The following SASH1 variants were observed in gnomAD, a reference collection of about 807,000 sequenced individuals.
SASH1 encodes the protein SAM and SH3 domain containing 1.
A neutral mutation model predicts 125.2 loss-of-function variants in SASH1; 44 were observed. The observed-to-expected ratio is 0.35, with a 90% CI of 0.28 to 0.45. The LOEUF (loss-of-function observed/expected upper bound fraction) is 0.45. Ranked by LOEUF, SASH1 falls within the 20% of genes least tolerant of loss-of-function variation. The pLI is 1.00. For missense variants in SASH1, 1,426 were observed against 1,614.5 expected, an observed-to-expected ratio of 0.88 and a Z score of 2.00; for synonymous variants, 639 against 649.1, an observed-to-expected ratio of 0.98 and a Z score of 0.24.
chr6:148,216,166 A>G, the SASH1 span, among the ~76,000 whole-genome samples: 1 of 152,190 alleles, frequency 6.6e-6, no homozygotes, highest in African/African-American at 2.4e-5. Flanking sequence ...TCCCTGGCAG[A>G]ACTATACCAG....
At chr6:148,366,630 T>C (rs1782469554) in intron 1 of SASH1, among the ~76,000 whole-genome samples, 1 of 152,106 alleles carries the variant, frequency 6.6e-6, no homozygotes, top group South Asian at 2.1e-4. Context: ...GGAGTATTGT[T>C]CTTGTTGCCC....
intron 1 of SASH1, among the ~76,000 whole-genome samples, chr6:148,331,488 C>G (rs1261156450): frequency 6.6e-6 from 1 of 152,072 alleles, no homozygotes; most frequent in African/African-American, 2.4e-5. Flanking sequence ...TGCTACCATG[C>G]CCCGCTAAGT....
chr6:148,502,958 A>G (rs1583265102), intron 8 of SASH1, among the ~76,000 whole-genome samples: 2 of 152,162 alleles, frequency 1.3e-5, no homozygotes. Flanking sequence ...TGACCTTAAC[A>G]TTAATCATAT....
chr6:148,211,009 C>T, the SASH1 span, among the ~76,000 whole-genome samples: 3 of 152,076 alleles, frequency 2.0e-5, no homozygotes, highest in Non-Finnish European at 4.4e-5. Context: ...TATCCATATC[C>T]AAGGGAAATA....
intron 2 of SASH1, among the ~76,000 whole-genome samples, chr6:148,417,086 A>G (rs1305039282): frequency 6.6e-6 from 1 of 152,198 alleles, no homozygotes; most frequent in Non-Finnish European, 1.5e-5. Context: ...CTGAACATGG[A>G]TGGGGTGGAA....
chr6:148,408,140 CTTTTTTTTTT>C (rs35856337), intron 2 of SASH1, among the ~76,000 whole-genome samples: 7 of 119,240 alleles, frequency 5.9e-5, no homozygotes, highest in Non-Finnish European at 1.0e-4. Context: ...GGCATCTTTC[CTTTTTTTTTT>C]TTTTTTTTTT....
the SASH1 span, among the ~76,000 whole-genome samples, chr6:148,249,846 G>A: frequency 2.0e-5 from 3 of 152,232 alleles, no homozygotes; most frequent in Non-Finnish European, 2.9e-5. Flanking sequence ...TGTGCACCGC[G>A]GATTCTCAAT....
chr6:148,505,883 A>G (rs1779772831), intron 8 of SASH1, among the ~76,000 whole-genome samples: 1 of 148,824 alleles, frequency 6.7e-6, no homozygotes, highest in Non-Finnish European at 1.5e-5. Flanking sequence ...TGATCCGCCC[A>G]CCTTGGCTTC....
intron 1 of SASH1, among the ~76,000 whole-genome samples, chr6:148,319,863 C>A (rs184571876): frequency 7.9e-5 from 12 of 152,262 alleles, no homozygotes; most frequent in Non-Finnish European, 1.5e-4. Flanking sequence ...ATAATGAAAT[C>A]TTGTGCTGTC....
chr6:148,247,322 C>T, the SASH1 span, among the ~76,000 whole-genome samples: 1 of 152,178 alleles, frequency 6.6e-6, no homozygotes, highest in Admixed American at 6.5e-5. Flanking sequence ...AAGAAGGCTT[C>T]TTGGTAAGCA....
the SASH1 span, among the ~76,000 whole-genome samples, chr6:148,253,412 A>T: frequency 6.6e-6 from 1 of 152,140 alleles, no homozygotes; most frequent in African/African-American, 2.4e-5. Context: ...CAAAAACTTA[A>T]CTCAAAATTA....
intron 1 of SASH1, among the ~76,000 whole-genome samples, chr6:148,282,570 C>T (rs977932419): frequency 1.3e-5 from 2 of 151,814 alleles, no homozygotes; most frequent in African/African-American, 4.8e-5. Flanking sequence ...TCAATAGAGA[C>T]GGGGTTTCAC....
At chr6:148,385,038 A>G (rs1783304367) in intron 1 of SASH1, among the ~76,000 whole-genome samples, 1 of 152,222 alleles carries the variant, frequency 6.6e-6, no homozygotes, top group South Asian at 2.1e-4. Context: ...AAACACACAT[A>G]TACATTCTTC....
At chr6:148,424,002 T>A (rs1312171661) in intron 2 of SASH1, among the ~76,000 whole-genome samples, 2 of 151,406 alleles carry the variant, frequency 1.3e-5, no homozygotes, top group African/African-American at 4.8e-5. Flanking sequence ...GTCTGACCAG[T>A]TTCTGAAGAA....
At chr6:148,238,648 A>G in the SASH1 span, among the ~76,000 whole-genome samples, 7 of 151,824 alleles carry the variant, frequency 4.6e-5, no homozygotes, top group South Asian at 4.2e-4. Context: ...ACACACACAC[A>G]CACACACACA....
chr6:148,297,185 G>A (rs1259111950), intron 1 of SASH1, among the ~76,000 whole-genome samples: 4 of 152,316 alleles, frequency 2.6e-5, no homozygotes, highest in African/African-American at 4.8e-5. Context: ...ACGCTGTCGC[G>A]GGGAGCAGCC....
At chr6:148,510,926 G>A (rs1780078001) in intron 8 of SASH1, among the ~76,000 whole-genome samples, 4 of 150,264 alleles carry the variant, frequency 2.7e-5, no homozygotes, top group Admixed American at 6.6e-5. Flanking sequence ...AACTCAGGAC[G>A]CAGAGGTTGC....
intron 1 of SASH1, among the ~76,000 whole-genome samples, chr6:148,322,618 T>C (rs190625648): frequency 5.3e-4 from 80 of 152,288 alleles, no homozygotes; most frequent in African/African-American, 1.9e-3. Context: ...CAGCTGACGT[T>C]TCTTGCTGCT....
chr6:148,345,139 C>A (rs1781481652), intron 1 of SASH1, among the ~76,000 whole-genome samples: 1 of 152,126 alleles, frequency 6.6e-6, no homozygotes, highest in African/African-American at 2.4e-5. Flanking sequence ...GATAATATCC[C>A]ATTGTATCCC....
Sources: gnomAD v4.1 joint callset for allele counts (sites outside exome capture counted in the v4.1 genomes callset) on GRCh38, gnomAD v4.1.1 for gene constraint, MANE v1.5 for transcripts, NCBI Gene and HGNC (gene_info 2026-07-23, HGNC 2026-07-21) for gene names.